The following CDH4 variants were observed in gnomAD, a reference collection of about 807,000 sequenced individuals.
CDH4 encodes cadherin-4.
CDH4 carries 33 observed loss-of-function variants against 86.0 expected under a neutral mutation model. That is an observed-to-expected ratio of 0.38 (90% CI 0.29 to 0.51). The LOEUF is 0.51. CDH4 is among the 20% of genes least tolerant of loss of function. CDH4 has a pLI of 0.86. For missense variants in CDH4, 1,114 were observed against 1,307.4 expected, an observed-to-expected ratio of 0.85 and a Z score of 2.28; for synonymous variants, 555 against 549.4, an observed-to-expected ratio of 1.01 and a Z score of -0.14.
At chr20:61,594,628 A>G (rs1209336089) in intron 2 of CDH4, among the ~76,000 whole-genome samples, 1 of 152,152 alleles carries the variant, frequency 6.6e-6, no homozygotes, top group East Asian at 1.9e-4. Context: ...ATTGCTGAAG[A>G]CGCCACAGCC....
chr20:61,276,533 T>C (rs899829161), intron 2 of CDH4, among the ~76,000 whole-genome samples: 22 of 152,324 alleles, frequency 1.4e-4, no homozygotes, highest in African/African-American at 5.1e-4. Flanking sequence ...CCATGCTATG[T>C]CGCTGCTGTC....
chr20:61,737,963 C>T (rs1184900231), intron 2 of CDH4, among the ~76,000 whole-genome samples: 1 of 152,228 alleles, frequency 6.6e-6, no homozygotes, highest in Non-Finnish European at 1.5e-5. Flanking sequence ...CCTTGCTGGG[C>T]ACATGCATAC....
chr20:61,769,642 C>T (rs962226413), intron 3 of CDH4, among the ~76,000 whole-genome samples: 4 of 152,126 alleles, frequency 2.6e-5, no homozygotes, highest in African/African-American at 9.7e-5. Context: ...TTCATGAGTG[C>T]CTTGGCCTCG....
intron 2 of CDH4, among the ~76,000 whole-genome samples, chr20:61,735,600 G>A (rs11697239): frequency 0.068 from 10,400 of 152,244 alleles, 412 homozygotes; most frequent in Non-Finnish European, 0.081. Flanking sequence ...CAGCGCCTTC[G>A]GGGCCACTGC....
rs2088530036 is a variant in CDH4, at chr20:61,754,106, A to G, written c.396+10317A>G. The stretch of plus-strand genomic sequence containing the variant: ...GATCAGGGAAGATTGTGGCACCACC[A>G]GGAGCCAGGAGAGACGCCCAGAGCA... On this transcript the variant is annotated intron_variant, in intron 3 of 15. Transcript: ENST00000614565. The surrounding 1 kb of genome is among the most constrained non-coding windows in gnomAD (Gnocchi z 4.7). Among the ~76,000 whole-genome samples the G allele has an allele frequency of 6.6e-6, 1 of 152,166 alleles. No individual in the cohort carries two copies.
At chr20:61,258,657 C>T (rs141910760) in intron 2 of CDH4, among the ~76,000 whole-genome samples, 274 of 152,336 alleles carry the variant, frequency 1.8e-3, no homozygotes, top group African/African-American at 6.4e-3. Context: ...CTTACATAAC[C>T]GTGAGTGCAG....
intron 4 of CDH4, among the ~76,000 whole-genome samples, chr20:61,800,743 C>G (rs1011912473): frequency 6.6e-6 from 1 of 152,224 alleles, no homozygotes; most frequent in African/African-American, 2.4e-5. Context: ...CAGATGGCCT[C>G]TTGGACACAC....
At chr20:61,908,478 ATCTCACAGCCTCC>A (rs2054815814) in intron 8 of CDH4, among the ~76,000 whole-genome samples, 1 of 152,094 alleles carries the variant, frequency 6.6e-6, no homozygotes, top group South Asian at 2.1e-4. Context: ...AATCTGCGCC[ATCTCACAGCCTCC>A]TCTCACACCG....
At chr20:61,585,520 TTA>T (rs562484744) in intron 2 of CDH4, among the ~76,000 whole-genome samples, 139 of 152,390 alleles carry the variant, frequency 9.1e-4, no homozygotes, top group Non-Finnish European at 1.5e-3. Context: ...AGAGGAAGCT[TTA>T]TCTTTCTGAT....
intron 2 of CDH4, among the ~76,000 whole-genome samples, chr20:61,569,448 TC>T (rs2086325728): frequency 6.6e-6 from 1 of 152,248 alleles, no homozygotes; most frequent in Admixed American, 6.5e-5. Flanking sequence ...CTCTAGTCTC[TC>T]TGTCTCCCCT....
chr20:61,559,519 C>CTTTTTTTTTTTTTTTTT (rs1156864328), intron 2 of CDH4, among the ~76,000 whole-genome samples: 6 of 105,172 alleles, frequency 5.7e-5, no homozygotes, highest in South Asian at 3.3e-4. Context: ...ATTTTTTTTT[C>CTTTTTTTTTTTTTTTTT]TTTTTTTTTT....
At chr20:61,685,257 A>G (rs973103129) in intron 2 of CDH4, among the ~76,000 whole-genome samples, 2 of 152,126 alleles carry the variant, frequency 1.3e-5, no homozygotes, top group Admixed American at 6.5e-5. Flanking sequence ...CTGGGAATAT[A>G]TTGTGTTGCC....
chr20:61,852,882 C>T lies in CDH4; in HGVS notation c.861C>T (p.Asp287=), dbSNP rs2229574. 7,276 of 1,613,880 alleles carry T rather than the reference C, an allele frequency of 4.5e-3. 22 individuals are homozygous for T. Among genetic ancestry groups the T allele is most frequent in the Non-Finnish European group, 5.6e-3 (6,602 of 1,179,894 alleles). Residue 287 remains aspartate, a synonymous_variant, in exon 6 of 16, where the codon GAC becomes GAT. Transcript: ENST00000614565. ...ACCAGGTCTACAACGGCTCCGTGGACGAGGGCTCCAAGCCAGGTGAGGCCT... is the reference window on the plus strand; with the variant it reads ...ACCAGGTCTACAACGGCTCCGTGGATGAGGGCTCCAAGCCAGGTGAGGCCT... ...FINQVYNGSV[D]EGSKPGTYVM...
At chr20:61,454,071 G>C (rs2085394407) in intron 2 of CDH4, among the ~76,000 whole-genome samples, 2 of 152,168 alleles carry the variant, frequency 1.3e-5, no homozygotes, top group African/African-American at 4.8e-5. Flanking sequence ...ACCCAGTTTC[G>C]GTAGTTCTTC....
At chr20:61,423,580 G>C (rs1320130364) in intron 2 of CDH4, among the ~76,000 whole-genome samples, 1 of 151,996 alleles carries the variant, frequency 6.6e-6, no homozygotes, top group Non-Finnish European at 1.5e-5. Flanking sequence ...CTTTTGGATG[G>C]CGTTTTGAGA....
At chr20:61,633,255 A>C (rs2086913139) in intron 2 of CDH4, among the ~76,000 whole-genome samples, 1 of 150,530 alleles carries the variant, frequency 6.6e-6, no homozygotes, top group African/African-American at 2.5e-5. Context: ...CCATCTATTT[A>C]TTCATCTGTC....
chr20:61,331,581 G>T (rs1029932561), intron 2 of CDH4, among the ~76,000 whole-genome samples: 16 of 83,886 alleles, frequency 1.9e-4, no homozygotes, highest in East Asian at 1.8e-3. Context: ...CTGACCACCT[G>T]CCCCAGGCCC....
intron 2 of CDH4, among the ~76,000 whole-genome samples, chr20:61,458,521 G>A (rs966170561): frequency 1.3e-5 from 2 of 152,000 alleles, no homozygotes; most frequent in Admixed American, 6.5e-5. Flanking sequence ...CGATGGTGAT[G>A]ACAGTGCTGA....
chr20:61,614,283 G>A (rs1457904581), intron 2 of CDH4, among the ~76,000 whole-genome samples: 1 of 152,118 alleles, frequency 6.6e-6, no homozygotes, highest in African/African-American at 2.4e-5. Context: ...AGGGGCTGGG[G>A]CTGGAAGCTG....
Sources: allele counts gnomAD v4.1 joint callset (sites outside exome capture counted in the v4.1 genomes callset), GRCh38; gene constraint gnomAD v4.1.1; non-coding constraint Gnocchi (gnomAD v3.1); transcripts MANE v1.5; gene names NCBI Gene and HGNC (gene_info 2026-07-23, HGNC 2026-07-21).